EXOC4: variants seen among roughly 807,000 people sequenced by gnomAD.
EXOC4 encodes the protein SEC8-like 1.
A neutral mutation model predicts 107.2 loss-of-function variants in EXOC4; 71 were observed. The ratio of observed to expected loss-of-function variants is 0.66; its 90% confidence interval spans 0.55 to 0.81. The LOEUF (loss-of-function observed/expected upper bound fraction) is 0.81, where lower values mean the gene tolerates loss of function less well. Among genes scored for constraint, EXOC4 ranks in the 30% least tolerant of loss-of-function variants. EXOC4 has a pLI of 0.00. For missense variants in EXOC4, 1,108 were observed against 1,189.6 expected, an observed-to-expected ratio of 0.93 and a Z score of 1.01; for synonymous variants, 456 against 441.2, an observed-to-expected ratio of 1.03 and a Z score of -0.42.
chr7:133,780,195 G>A (rs1052932574), intron 10 of EXOC4, among the ~76,000 whole-genome samples: 6 of 151,398 alleles, frequency 4.0e-5, no homozygotes, highest in Admixed American at 2.6e-4. Context: ...TCATGAAGCA[G>A]TGCCCTAAAT....
At chr7:133,491,576 A>G (rs941209708) in intron 9 of EXOC4, among the ~76,000 whole-genome samples, 4 of 152,176 alleles carry the variant, frequency 2.6e-5, no homozygotes, top group African/African-American at 9.7e-5. Context: ...TAGGGCTGTC[A>G]TATCAGTTGA....
chr7:133,395,999 C>G (rs1300794948), intron 7 of EXOC4: 1 of 151,932 alleles, frequency 6.6e-6, no homozygotes, highest in Non-Finnish European at 1.5e-5. Context: ...GAAAATTTCT[C>G]AGGATAGACA....
chr7:133,492,205 A>G (rs943593748), intron 9 of EXOC4, among the ~76,000 whole-genome samples: 1 of 152,198 alleles, frequency 6.6e-6, no homozygotes, highest in African/African-American at 2.4e-5. Flanking sequence ...GTGAGAGCTC[A>G]TAGAAGAATT....
intron 10 of EXOC4, among the ~76,000 whole-genome samples, chr7:133,755,312 A>ATT (rs1795890492): frequency 9.3e-6 from 1 of 107,814 alleles, no homozygotes; most frequent in Non-Finnish European, 1.8e-5. Context: ...TTATATATAT[A>ATT]TTATATATAT....
downstream of EXOC4, among the ~76,000 whole-genome samples, chr7:134,069,793 A>G (rs1796247678): frequency 6.6e-6 from 1 of 152,162 alleles, no homozygotes; most frequent in Admixed American, 6.5e-5. Flanking sequence ...TCTTGATGGA[A>G]CTAATGGATT....
intron 9 of EXOC4, among the ~76,000 whole-genome samples, chr7:133,564,137 A>G (rs1585000675): frequency 6.6e-6 from 1 of 152,212 alleles, no homozygotes; most frequent in African/African-American, 2.4e-5. Context: ...TGTGTGATTT[A>G]TAAAGAAAAA....
chr7:133,593,003 T>C (rs1801585673), intron 9 of EXOC4, among the ~76,000 whole-genome samples: 1 of 152,198 alleles, frequency 6.6e-6, no homozygotes, highest in South Asian at 2.1e-4. Flanking sequence ...CACCTTGGCC[T>C]CCCAACATCC....
At chr7:133,881,712 C>T (rs1225869133) in intron 11 of EXOC4, among the ~76,000 whole-genome samples, 2 of 152,156 alleles carry the variant, frequency 1.3e-5, no homozygotes, top group Admixed American at 1.3e-4. Context: ...AATCAATTAG[C>T]TGAGTTCCCT....
At chr7:133,963,507 G>C (rs1471193587) in intron 14 of EXOC4, among the ~76,000 whole-genome samples, 2 of 152,168 alleles carry the variant, frequency 1.3e-5, no homozygotes, top group Non-Finnish European at 2.9e-5. Flanking sequence ...TTTCTGACAA[G>C]GCAAGGAGTG....
In EXOC4 at chr7:133,394,863, A is replaced by T. The variant is rs76000060; in HGVS notation, c.1182+19861A>T. Among the ~76,000 whole-genome samples, 1,453 of 152,200 alleles carry T rather than the reference A, an allele frequency of 9.5e-3. 12 individuals are homozygous for T. The highest frequency in any genetic ancestry group is 0.027 in the Middle Eastern group (8 of 294). On this transcript the variant is annotated intron_variant, in intron 7 of 17. Transcript: ENST00000253861. ...AAAAAGACACTACCAAAAGCGCCTGACAATGTCCTTTTTAAAGATCAGCAA... is the reference window on the plus strand; with the variant it reads ...AAAAAGACACTACCAAAAGCGCCTGTCAATGTCCTTTTTAAAGATCAGCAA...
intron 7 of EXOC4, among the ~76,000 whole-genome samples, chr7:133,381,153 T>G (rs1324763442): frequency 6.6e-6 from 1 of 152,196 alleles, no homozygotes; most frequent in Non-Finnish European, 1.5e-5. Context: ...CATATAAATA[T>G]TTTAATTTGT....
intron 17 of EXOC4, among the ~76,000 whole-genome samples, chr7:134,027,830 G>A (rs1795177934): frequency 6.6e-6 from 1 of 152,144 alleles, no homozygotes; most frequent in South Asian, 2.1e-4. Flanking sequence ...AATTGAGTAG[G>A]ACCTTAGAGA....
intron 9 of EXOC4, among the ~76,000 whole-genome samples, chr7:133,607,085 G>T (rs1263898033): frequency 1.3e-5 from 2 of 152,128 alleles, no homozygotes; most frequent in African/African-American, 2.4e-5. Flanking sequence ...TCACAGCCTG[G>T]CTTCTATGTG....
In EXOC4 at chr7:133,817,533, C is replaced by A. The variant is rs1797401125; in HGVS notation, c.1723C>A (p.Pro575Thr). 6.2e-7 allele frequency: 1 copy of A among 1,612,846 alleles called. No homozygotes were observed. Among genetic ancestry groups the A allele is most frequent in the Admixed American group, 1.7e-5 (1 of 59,986 alleles). Residue 575 changes from proline to threonine, a missense_variant, in exon 11 of 18, where the codon CCT (proline) becomes ACT (threonine). Pro to Thr is a conservative substitution (Grantham distance 38). Transcript: ENST00000253861. The stretch of plus-strand genomic sequence containing the variant: ...CATGAAGGTGCTGGGAGTGCAGCGG[C>A]CTCTCCTACAGGTAATAATACACTT... The part of the protein sequence containing the change: ...DTMKVLGVQR[P>T]LLQSTIIVEK...
chr7:133,542,882 T>C (rs1306090940), intron 9 of EXOC4, among the ~76,000 whole-genome samples: 1 of 152,172 alleles, frequency 6.6e-6, no homozygotes, highest in Non-Finnish European at 1.5e-5. Flanking sequence ...ATTTTTTTTT[T>C]GAATTGTTGG....
At chr7:133,989,686 T>C (rs912481064) in intron 14 of EXOC4, among the ~76,000 whole-genome samples, 4 of 152,222 alleles carry the variant, frequency 2.6e-5, no homozygotes, top group Admixed American at 2.0e-4. Flanking sequence ...GTATCATTGA[T>C]GGCTATTACC....
At chr7:133,865,935 A>C (rs866262108) in intron 11 of EXOC4, among the ~76,000 whole-genome samples, 8 of 152,304 alleles carry the variant, frequency 5.3e-5, no homozygotes, top group Middle Eastern at 3.4e-3. Context: ...GTGAACTTGG[A>C]GACATCTGTT....
intron 7 of EXOC4, among the ~76,000 whole-genome samples, chr7:133,450,407 C>T (rs781658422): frequency 9.8e-5 from 15 of 152,304 alleles, no homozygotes; most frequent in Admixed American, 2.0e-4. Flanking sequence ...AAGTGATCCT[C>T]CTGTTTTGGC....
At chr7:133,445,247 G>T (rs1269548588) in intron 7 of EXOC4, among the ~76,000 whole-genome samples, 1 of 152,174 alleles carries the variant, frequency 6.6e-6, no homozygotes, top group Non-Finnish European at 1.5e-5. Flanking sequence ...TTTATTAAGA[G>T]TCCCTGAAAT....
Sources: allele counts gnomAD v4.1 joint callset (sites outside exome capture counted in the v4.1 genomes callset), GRCh38; gene constraint gnomAD v4.1.1; transcripts MANE v1.5; gene names NCBI Gene and HGNC (gene_info 2026-07-23, HGNC 2026-07-21).